GSK3B: variants seen among roughly 807,000 people sequenced by gnomAD.
The protein encoded by GSK3B is glycogen synthase kinase-3 beta.
Under a neutral mutation model 56.4 loss-of-function variants are expected in GSK3B, and 15 were observed. The ratio of observed to expected loss-of-function variants is 0.27; its 90% CI spans 0.18 to 0.41. The LOEUF (loss-of-function observed/expected upper bound fraction) is 0.41. Ranked by LOEUF, GSK3B falls within the 10% of genes least tolerant of loss-of-function variation. GSK3B has a pLI of 1.00. For missense variants in GSK3B, 300 were observed against 513.4 expected (o/e 0.58, Z 4.02); for synonymous variants, 181 against 188.9 (o/e 0.96, Z 0.34).
chr3:120,040,630 A>C (rs1447619242), intron 1 of GSK3B, among the ~76,000 whole-genome samples: 1 of 152,166 alleles, frequency 6.6e-6, no homozygotes, highest in Non-Finnish European at 1.5e-5. Context: ...GCCAAGCAAG[A>C]CAAGAAGTAA....
intron 1 of GSK3B, 86 bp from the exon 2 acceptor site, chr3:120,002,325 ATTCT>A: frequency 1.6e-6 from 1 of 608,616 alleles, no homozygotes; most frequent in Non-Finnish European, 2.6e-6. Context: ...GGTAAACTAT[ATTCT>A]TTATTTTTTA....
intron 2 of GSK3B, among the ~76,000 whole-genome samples, chr3:119,993,667 C>T (rs2057587790): frequency 6.6e-6 from 1 of 152,058 alleles, no homozygotes; most frequent in Non-Finnish European, 1.5e-5. Flanking sequence ...TTTCTCAGTT[C>T]AGAAAGAGGA....
chr3:119,857,858 T>C (rs2056042463), intron 9 of GSK3B, among the ~76,000 whole-genome samples: 1 of 152,214 alleles, frequency 6.6e-6, no homozygotes, highest in South Asian at 2.1e-4. Flanking sequence ...CATTCCTTGA[T>C]CCATGGGCTG....
At chr3:119,845,006 C>T (rs2055836000) in intron 9 of GSK3B, among the ~76,000 whole-genome samples, 1 of 152,214 alleles carries the variant, frequency 6.6e-6, no homozygotes, top group Non-Finnish European at 1.5e-5. Context: ...GCTGGTTCAA[C>T]ATATGCAAAT....
At chr3:119,988,311 A>G (rs2057534710) in intron 2 of GSK3B, among the ~76,000 whole-genome samples, 1 of 152,202 alleles carries the variant, frequency 6.6e-6, no homozygotes, top group African/African-American at 2.4e-5. Context: ...AGCTATTAAC[A>G]GCTTTTAACA....
At chr3:119,981,247 G>C (rs1302221925) in intron 2 of GSK3B, among the ~76,000 whole-genome samples, 3 of 152,306 alleles carry the variant, frequency 2.0e-5, no homozygotes, top group Middle Eastern at 3.4e-3. Flanking sequence ...GGCCGAATAG[G>C]AACAGCTCCT....
At chr3:120,084,746 A>T (rs2058449513) in intron 1 of GSK3B, 2 of 152,218 alleles carry the variant, frequency 1.3e-5, no homozygotes, top group Non-Finnish European at 2.9e-5. Context: ...TTAATTGTTC[A>T]TTGGTTAAGA....
intron 10 of GSK3B, among the ~76,000 whole-genome samples, chr3:119,828,155 C>T (rs1352487365): frequency 6.6e-6 from 1 of 152,166 alleles, no homozygotes; most frequent in African/African-American, 2.4e-5. Flanking sequence ...CAAATCTTGA[C>T]GTAGAACTTA....
rs17204542 is a variant in GSK3B at position 119,977,862 on chromosome 3, C to T, written c.282+24184G>A. Among the ~76,000 whole-genome samples the T allele has an allele frequency of 7.7e-3, 1,166 of 152,194 alleles. 10 individuals carry two copies. Among genetic ancestry groups the T allele is most frequent in the Non-Finnish European group, 0.012 (839 of 68,000 alleles). On this transcript the variant is annotated intron_variant, in intron 2 of 10. Transcript: ENST00000264235. ...AGTTTAGTTATAAGGAGTTTTAAAA[C>T]TTAGAAAATGTTGTCATAAAACTTT... is the stretch of plus-strand genomic sequence containing the variant.
chr3:119,833,017 A>G (rs1254438400), intron 10 of GSK3B: 1 of 966,834 alleles, frequency 1.0e-6, no homozygotes, highest in East Asian at 1.1e-4. Context: ...TAATGGAGTC[A>G]TGGATTAATG....
intron 10 of GSK3B, among the ~76,000 whole-genome samples, chr3:119,841,205 T>C (rs1186766857): frequency 6.6e-6 from 1 of 152,206 alleles, no homozygotes; most frequent in African/African-American, 2.4e-5. Context: ...AATATACACA[T>C]GTAAATTATT....
chr3:119,886,647 A>C (rs940844457), intron 7 of GSK3B, among the ~76,000 whole-genome samples: 3 of 152,166 alleles, frequency 2.0e-5, no homozygotes, highest in South Asian at 2.1e-4. Context: ...AGTGGACTAG[A>C]TAAAGAAAAT....
intron 8 of GSK3B, among the ~76,000 whole-genome samples, chr3:119,875,257 A>G (rs942657075): frequency 3.9e-5 from 6 of 152,038 alleles, no homozygotes; most frequent in African/African-American, 1.4e-4. Context: ...GAACTTGAAG[A>G]AAAAGTAACT....
intron 2 of GSK3B, among the ~76,000 whole-genome samples, chr3:119,952,797 A>C (rs1001732990): frequency 3.9e-5 from 6 of 152,154 alleles, no homozygotes; most frequent in Non-Finnish European, 8.8e-5. Flanking sequence ...GGAAGAATAA[A>C]GACATCCTCA....
chr3:119,831,803 G>T (rs538152656), intron 10 of GSK3B, among the ~76,000 whole-genome samples: 12 of 152,298 alleles, frequency 7.9e-5, no homozygotes, highest in African/African-American at 2.9e-4. Context: ...TGACTTTGAA[G>T]CTTCCTATAA....
At chr3:120,037,244 T>C (rs1257467654) in intron 1 of GSK3B, among the ~76,000 whole-genome samples, 3 of 152,242 alleles carry the variant, frequency 2.0e-5, no homozygotes, top group Non-Finnish European at 4.4e-5. Context: ...AAAACAGATA[T>C]GCATTTCGCT....
rs141299226 is a variant in GSK3B at position 120,021,546 on chromosome 3, TAGGAAC to T, written c.89-19313_89-19308del. Among the ~76,000 whole-genome samples, 644 of 151,102 alleles carry T rather than the reference TAGGAAC, an allele frequency of 4.3e-3. 1 individual carries two copies. Among genetic ancestry groups the T allele is most frequent in the African/African-American group, 0.015 (608 of 41,206 alleles). On this transcript the variant is annotated intron_variant, in intron 1 of 10. Coordinates refer to ENST00000264235, the MANE Select transcript of GSK3B (RefSeq NM_001146156.2). ...AAAAAAAAAGAATATTCATGATTCA[TAGGAAC>T]AGGAACAGGAGTTTGGAAGATGATA...
intron 7 of GSK3B, among the ~76,000 whole-genome samples, chr3:119,880,871 T>C (rs1470599359): frequency 6.6e-6 from 1 of 152,140 alleles, no homozygotes; most frequent in Non-Finnish European, 1.5e-5. Context: ...CACATGCAAC[T>C]CTATTGGATT....
At position 120,003,858 on chromosome 3, in the gene GSK3B, C is replaced by G. The variant is rs529908837; in HGVS notation, c.89-1619G>C. 2.6e-5 allele frequency among the ~76,000 whole-genome samples: 4 copies of G among 152,334 alleles called. No individual in the cohort carries two copies. The South Asian group carries it at 8.3e-4, about 32-fold the overall frequency. ...CAGAACACAGGTGATTTCTGCATTT[C>G]CAACTTAGGTACCTGGTTCATCTCA... is the stretch of plus-strand genomic sequence containing the variant. On this transcript the variant is annotated intron_variant, in intron 1 of 10. Transcript: ENST00000264235.
Sources: gnomAD v4.1 joint callset for allele counts (sites outside exome capture counted in the v4.1 genomes callset) on GRCh38, gnomAD v4.1.1 for gene constraint, MANE v1.5 for transcripts, NCBI Gene and HGNC (gene_info 2026-07-23, HGNC 2026-07-21) for gene names.